TECPR2: variants seen among roughly 807,000 people sequenced by gnomAD.
TECPR2 encodes tectonin beta-propeller repeat containing 2.
A neutral mutation model predicts 138.1 loss-of-function variants in TECPR2; 65 were observed. The ratio of observed to expected loss-of-function variants is 0.47; its 90% CI spans 0.39 to 0.58. The LOEUF (loss-of-function observed/expected upper bound fraction) is 0.58. Ranked by LOEUF, TECPR2 falls within the 20% of genes least tolerant of loss-of-function variation. The pLI, the probability that TECPR2 is intolerant of heterozygous loss-of-function variation, is 0.00. For missense variants in TECPR2, 1,553 were observed against 1,824.5 expected (o/e 0.85, Z 2.71); for synonymous variants, 746 against 749.8 (o/e 0.99, Z 0.08).
chr14:102,471,186 A>G (rs2139777043), intron 17 of TECPR2, among the ~76,000 whole-genome samples: 1 of 151,344 alleles, frequency 6.6e-6, no homozygotes, highest in East Asian at 2.0e-4. Flanking sequence ...TCCTGACCTC[A>G]AGTGATCTTC....
At chr14:102,465,648 A>G in intron 17 of TECPR2, 1 of 988,876 alleles carries the variant, frequency 1.0e-6, no homozygotes, top group Non-Finnish European at 1.2e-6. Context: ...CCAGAAGTAT[A>G]AAGAAGGTAA....
intron 6 of TECPR2, among the ~76,000 whole-genome samples, chr14:102,427,771 G>T (rs542193147): frequency 6.6e-6 from 1 of 152,180 alleles, no homozygotes; most frequent in Non-Finnish European, 1.5e-5. Flanking sequence ...GGCGTCAAGC[G>T]GAAGTTTGGA....
At chr14:102,423,034 T>A (rs1889226366) in intron 5 of TECPR2, among the ~76,000 whole-genome samples, 1 of 152,182 alleles carries the variant, frequency 6.6e-6, no homozygotes, top group Admixed American at 6.5e-5. Context: ...GTGCCTACAG[T>A]GTTAAGTACA....
At chr14:102,418,294 GA>G (rs947102181) in intron 5 of TECPR2, among the ~76,000 whole-genome samples, 7 of 152,234 alleles carry the variant, frequency 4.6e-5, no homozygotes, top group African/African-American at 1.7e-4. Context: ...CTCATCGGGG[GA>G]TATCTGTGAA....
At chr14:102,476,123 C>G (rs1232299997) in intron 17 of TECPR2, among the ~76,000 whole-genome samples, 1 of 148,256 alleles carries the variant, frequency 6.7e-6, no homozygotes, top group Non-Finnish European at 1.5e-5. Flanking sequence ...AGGAGAATCA[C>G]TTGAACCTGG....
At chr14:102,439,001 A>G (rs1401140841) in intron 10 of TECPR2, among the ~76,000 whole-genome samples, 1 of 151,736 alleles carries the variant, frequency 6.6e-6, no homozygotes, top group Non-Finnish European at 1.5e-5. Context: ...AGCTGGGACT[A>G]CAGGCACCCG....
chr14:102,440,679 A>G (rs898927959), intron 11 of TECPR2, 70 bp downstream of exon 11: 9 of 1,532,972 alleles, frequency 5.9e-6, no homozygotes, highest in Admixed American at 2.0e-5. Flanking sequence ...CTGCTTTGCT[A>G]GTAACATGCT....
At chr14:102,466,388 A>G (rs1890551328) in intron 17 of TECPR2, among the ~76,000 whole-genome samples, 1 of 152,162 alleles carries the variant, frequency 6.6e-6, no homozygotes, top group Non-Finnish European at 1.5e-5. Context: ...GGTTGTACAT[A>G]ATGAATTATA....
At chr14:102,421,046 G>A (rs1025664388) in intron 5 of TECPR2, among the ~76,000 whole-genome samples, 3 of 152,160 alleles carry the variant, frequency 2.0e-5, no homozygotes, top group African/African-American at 7.2e-5. Flanking sequence ...CATCAAACAC[G>A]ATGTCTTACA....
At chr14:102,378,174 G>C (rs1173965486) in intron 2 of TECPR2, among the ~76,000 whole-genome samples, 1 of 152,208 alleles carries the variant, frequency 6.6e-6, no homozygotes, top group East Asian at 1.9e-4. Flanking sequence ...ACTCTATTCT[G>C]TCTGTGGTTA....
intron 2 of TECPR2, among the ~76,000 whole-genome samples, chr14:102,386,948 GCTTA>G (rs1179649356): frequency 6.6e-6 from 1 of 152,116 alleles, no homozygotes. Flanking sequence ...TAACCATTGT[GCTTA>G]CTTCTTGTGA....
At chr14:102,458,479 A>T (rs1890327415) in intron 16 of TECPR2, among the ~76,000 whole-genome samples, 1 of 152,006 alleles carries the variant, frequency 6.6e-6, no homozygotes, top group Admixed American at 6.6e-5. Context: ...TTGGTGTGGC[A>T]CCCAGGGTCT....
chr14:102,434,470 G>C lies in TECPR2; in HGVS notation c.1653G>C (p.Glu551Asp), dbSNP rs1889599037. Residue 551 changes from glutamate to aspartate, a missense_variant, in exon 9 of 20, where the codon GAG (glutamate) becomes GAC (aspartate). Glu to Asp is a conservative substitution (Grantham distance 45). Coordinates refer to ENST00000359520, the MANE Select transcript of TECPR2 (RefSeq NM_014844.5). ...ACCCCGAAACGTTTAATGTCCTGGA[G>C]GTGTCAGGATCAATGCCTGATTCTC... ...NTDPETFNVL[E>D]VSGSMPDSLA... The C allele has an allele frequency of 6.4e-7, 1 of 1,554,872 alleles. No homozygotes were observed. The highest frequency in any genetic ancestry group is 1.4e-5 in the African/African-American group (1 of 73,104).
chr14:102,395,000 G>C (rs1406124693), intron 2 of TECPR2, among the ~76,000 whole-genome samples: 1 of 152,142 alleles, frequency 6.6e-6, no homozygotes, highest in African/African-American at 2.4e-5. Context: ...AAATGCCTCT[G>C]ACTGATACAC....
chr14:102,468,991 C>T (rs545315678), intron 17 of TECPR2, among the ~76,000 whole-genome samples: 8 of 152,270 alleles, frequency 5.3e-5, no homozygotes, highest in African/African-American at 1.9e-4. Flanking sequence ...CTACACTGTC[C>T]TGATTACTTA....
rs565066548 is a variant in TECPR2 at position 102,395,923 on chromosome 14, A to G, written c.220-11415A>G. Among the ~76,000 whole-genome samples the G allele has an allele frequency of 3.3e-4, 50 of 152,280 alleles. 1 individual carries two copies. The highest frequency in any genetic ancestry group is 3.8e-4 in the Non-Finnish European group (26 of 68,034). ...TCATATTTAGACGCATCATCTTATA[A>G]CCCTCTCAGCAAAACCTGTGGGGCA... On this transcript the variant is annotated intron_variant, in intron 2 of 19. Coordinates refer to ENST00000359520, the MANE Select transcript of TECPR2 (RefSeq NM_014844.5).
chr14:102,496,086 G>A (rs1316031313), intron 17 of TECPR2, among the ~76,000 whole-genome samples: 1 of 152,280 alleles, frequency 6.6e-6, no homozygotes, highest in Non-Finnish European at 1.5e-5. Context: ...GGCAGCGAGG[G>A]ATCTGCCAGT....
chr14:102,384,323 GGGGA>G (rs1887929888), intron 2 of TECPR2, among the ~76,000 whole-genome samples: 7 of 152,050 alleles, frequency 4.6e-5, no homozygotes, highest in African/African-American at 1.7e-4. Context: ...TGCATCTGGT[GGGGA>G]CCTCATGCTG....
At chr14:102,470,533 C>T (rs1258516702) in intron 17 of TECPR2, among the ~76,000 whole-genome samples, 5 of 151,908 alleles carry the variant, frequency 3.3e-5, no homozygotes, top group African/African-American at 4.8e-5. Flanking sequence ...GTCTTGAACT[C>T]CTGACCTCAA....
Sources: allele counts gnomAD v4.1 joint callset (sites outside exome capture counted in the v4.1 genomes callset), GRCh38; gene constraint gnomAD v4.1.1; transcripts MANE v1.5; gene names NCBI Gene and HGNC (gene_info 2026-07-23, HGNC 2026-07-21).